The following LHFPL2 variants were observed in gnomAD, a reference collection of about 807,000 sequenced individuals.
The protein encoded by LHFPL2 is LHFPL tetraspan subfamily member 2, also known as LHFPL tetraspan subfamily member 2 protein.
A neutral mutation model predicts 17.5 loss-of-function variants in LHFPL2; 7 were observed. The observed-to-expected ratio is 0.40, with a 90% CI of 0.23 to 0.75. The LOEUF (loss-of-function observed/expected upper bound fraction) is 0.75, where lower values mean the gene tolerates loss of function less well. LHFPL2 is among the 30% of genes least tolerant of loss of function. LHFPL2 has a pLI of 0.37. For synonymous variants in LHFPL2, 134 were observed against 116.2 expected (o/e 1.15, Z -0.99); for missense variants, 241 against 294.8 (o/e 0.82, Z 1.34).
chr5:78,634,588 A>G (rs1745366796), intron 1 of LHFPL2, among the ~76,000 whole-genome samples: 1 of 152,148 alleles, frequency 6.6e-6, no homozygotes, highest in Admixed American at 6.5e-5. Context: ...GTCTCTCCCC[A>G]CTAGACTGTG....
intron 4 of LHFPL2, among the ~76,000 whole-genome samples, chr5:78,506,649 G>C (rs1448585648): frequency 1.3e-5 from 2 of 152,220 alleles, no homozygotes; most frequent in African/African-American, 2.4e-5. Flanking sequence ...TGATGTGCAT[G>C]ATGAGACCTC....
At chr5:78,510,979 T>A (rs1281395503) in intron 3 of LHFPL2, among the ~76,000 whole-genome samples, 1 of 152,168 alleles carries the variant, frequency 6.6e-6, no homozygotes, top group Non-Finnish European at 1.5e-5. Context: ...GTTTGCTTCA[T>A]AGGTAAATAG....
At chr5:78,646,025 AG>A (rs1297009736) in intron 1 of LHFPL2, among the ~76,000 whole-genome samples, 1 of 152,234 alleles carries the variant, frequency 6.6e-6, no homozygotes, top group African/African-American at 2.4e-5. Flanking sequence ...TCATTACTAT[AG>A]TTTTCTTTCT....
At chr5:78,617,244 G>A (rs774435514) in intron 2 of LHFPL2, among the ~76,000 whole-genome samples, 3 of 151,894 alleles carry the variant, frequency 2.0e-5, no homozygotes, top group Non-Finnish European at 4.4e-5. Context: ...TGGCCAGGCT[G>A]GTCTCAAACT....
chr5:78,585,770 T>C (rs1203574190), intron 2 of LHFPL2, among the ~76,000 whole-genome samples: 2 of 152,196 alleles, frequency 1.3e-5, no homozygotes, highest in African/African-American at 4.8e-5. Context: ...TTAATAGCAT[T>C]TGTCTTCATG....
At chr5:78,581,426 G>A (rs1264167432) in intron 2 of LHFPL2, among the ~76,000 whole-genome samples, 1 of 152,154 alleles carries the variant, frequency 6.6e-6, no homozygotes, top group Non-Finnish European at 1.5e-5. Flanking sequence ...TTGGCTGTGG[G>A]TTTGTCATAG....
chr5:78,508,905 C>T (rs760261224), intron 4 of LHFPL2, among the ~76,000 whole-genome samples: 8 of 152,240 alleles, frequency 5.3e-5, no homozygotes, highest in Non-Finnish European at 8.8e-5. Flanking sequence ...CAAACTCAGC[C>T]ATGTGTTTTT....
chr5:78,609,450 C>CCAAAAAAAAAAAAA (rs1744337039), intron 2 of LHFPL2, among the ~76,000 whole-genome samples: 1 of 40,684 alleles, frequency 2.5e-5, no homozygotes, highest in African/African-American at 8.6e-5. Context: ...GACTCAGTCT[C>CCAAAAAAAAAAAAA]AAAAAAAAAA....
In LHFPL2 at chr5:78,512,574, G is replaced by A. The variant is rs927798064; in HGVS notation, c.-185-2176C>T. 2.0e-5 allele frequency among the ~76,000 whole-genome samples: 3 copies of A among 151,616 alleles called. No homozygotes were observed. In the East Asian group the frequency reaches 5.8e-4, roughly 29 times the overall value. The stretch of plus-strand genomic sequence containing the variant: ...TCATTCTAAAAGAGAACAAGAAAAT[G>A]AGCCACAAGGACTCCCAGGAGGCCC... On this transcript the variant is annotated intron_variant, in intron 3 of 4. Transcript: ENST00000380345.
intron 4 of LHFPL2, among the ~76,000 whole-genome samples, chr5:78,499,322 CTG>C (rs1326203726): frequency 6.6e-6 from 1 of 152,248 alleles, no homozygotes; most frequent in East Asian, 1.9e-4. Flanking sequence ...GTTGAGCACT[CTG>C]TGCTAGGCAC....
At chr5:78,525,294 C>G (rs558295402) in intron 3 of LHFPL2, among the ~76,000 whole-genome samples, 15 of 152,198 alleles carry the variant, frequency 9.9e-5, no homozygotes, top group Admixed American at 9.2e-4. Context: ...CCTCAATTTC[C>G]CCAGCTATAA....
At chr5:78,535,450 G>C (rs1021739173) in intron 3 of LHFPL2, among the ~76,000 whole-genome samples, 1 of 152,198 alleles carries the variant, frequency 6.6e-6, no homozygotes, top group African/African-American at 2.4e-5. Context: ...ACGATGGCTA[G>C]TGTGAGGGGA....
chr5:78,524,624 C>T (rs1407270397), intron 3 of LHFPL2, among the ~76,000 whole-genome samples: 3 of 151,796 alleles, frequency 2.0e-5, no homozygotes, highest in African/African-American at 7.3e-5. Context: ...CGCCTGTAGC[C>T]CCAGCTGCTC....
At chr5:78,623,532 C>A (rs1383820722) in intron 2 of LHFPL2, among the ~76,000 whole-genome samples, 1 of 152,154 alleles carries the variant, frequency 6.6e-6, no homozygotes, top group Non-Finnish European at 1.5e-5. Flanking sequence ...TACAAATAAG[C>A]AAAAGGTGTG....
chr5:78,545,238 C>T (rs1164220406), intron 3 of LHFPL2, among the ~76,000 whole-genome samples: 3 of 152,190 alleles, frequency 2.0e-5, no homozygotes, highest in Admixed American at 2.0e-4. Context: ...GCCACTTCTT[C>T]ATGTCCCCCT....
intron 4 of LHFPL2, among the ~76,000 whole-genome samples, chr5:78,499,921 T>C (rs1754720839): frequency 6.6e-6 from 1 of 151,730 alleles, no homozygotes; most frequent in African/African-American, 2.4e-5. Context: ...AATGAACAGG[T>C]CAGAACAATT....
In LHFPL2 at chr5:78,488,739, G is replaced by A. The variant is rs192589322; in HGVS notation, c.*158C>T. 3.1e-4 allele frequency: 223 copies of A among 730,354 alleles called. No individual in the cohort carries two copies. The highest frequency in any genetic ancestry group is 3.6e-4 in the Admixed American group (15 of 41,832). The allele number at this position is 730,354 out of a possible 1,614,324, so 45.2% of individuals were successfully genotyped here. On this transcript the variant is annotated 3_prime_UTR_variant, in exon 5 of 5. Coordinates refer to ENST00000380345, the MANE Select transcript of LHFPL2 (RefSeq NM_005779.3). Reference sequence around the variant, plus strand: ...CAGACCGCATGTCCAGTAACTTTGCGTAGCTGGATGTGGCCTCTCATTGGT... The same window carrying A: ...CAGACCGCATGTCCAGTAACTTTGCATAGCTGGATGTGGCCTCTCATTGGT...
At position 78,579,103 on chromosome 5, in the gene LHFPL2, C is replaced by T. The variant is rs770590788; in HGVS notation, c.-244-14232G>A. 4.6e-5 allele frequency among the ~76,000 whole-genome samples: 7 copies of T among 152,292 alleles called. No individual in the cohort carries two copies. The East Asian group carries it at 9.6e-4, about 21-fold the overall frequency. ...ATTTCCTCCACCTTTTAGAATCTGA[C>T]TCTGCAAAAGAAACAGATGAAAATT... On this transcript the variant is annotated intron_variant, in intron 2 of 4. Coordinates refer to ENST00000380345, the MANE Select transcript of LHFPL2 (RefSeq NM_005779.3).
At chr5:78,581,979 G>A (rs890828431) in intron 2 of LHFPL2, among the ~76,000 whole-genome samples, 1 of 152,144 alleles carries the variant, frequency 6.6e-6, no homozygotes, top group Non-Finnish European at 1.5e-5. Context: ...CCTGTTATTG[G>A]TCTATTCAGA....
Sources: allele counts gnomAD v4.1 joint callset (sites outside exome capture counted in the v4.1 genomes callset), GRCh38; gene constraint gnomAD v4.1.1; transcripts MANE v1.5; gene names NCBI Gene and HGNC (gene_info 2026-07-23, HGNC 2026-07-21).